Variants in PCNX2 observed in about 807,000 individuals in gnomAD.
PCNX2 encodes the protein pecanex 2, also known as pecanex-like protein 2.
PCNX2 carries 168 observed loss-of-function variants against 223.8 expected under a neutral mutation model. The observed-to-expected ratio is 0.75, with a 90% CI of 0.66 to 0.85. PCNX2 has a LOEUF of 0.85. Among genes scored for constraint, PCNX2 ranks in the 40% least tolerant of loss-of-function variants. PCNX2 has a pLI of 0.00. For synonymous variants in PCNX2, 1,006 were observed against 1,052.6 expected (o/e 0.96, Z 0.86); for missense variants, 2,507 against 2,675.5 (o/e 0.94, Z 1.39).
At chr1:233,234,634 T>C (rs1248746323) in intron 9 of PCNX2, among the ~76,000 whole-genome samples, 1 of 152,244 alleles carries the variant, frequency 6.6e-6, no homozygotes, top group Non-Finnish European at 1.5e-5. Context: ...ATTAAATCAA[T>C]GGATGTATAC....
intron 15 of PCNX2, among the ~76,000 whole-genome samples, chr1:233,186,475 G>A (rs1038979891): frequency 2.6e-5 from 4 of 152,092 alleles, no homozygotes; most frequent in African/African-American, 7.2e-5. Flanking sequence ...TGGCCGGCAC[G>A]TGTGGGTGTG....
At chr1:233,076,310 G>C (rs1305422531) in intron 23 of PCNX2, among the ~76,000 whole-genome samples, 1 of 152,138 alleles carries the variant, frequency 6.6e-6, no homozygotes, top group Non-Finnish European at 1.5e-5. Context: ...ACAGGATTTG[G>C]ATCAAGATGA....
At chr1:233,206,517 G>A (rs1440801463) in intron 13 of PCNX2, among the ~76,000 whole-genome samples, 2 of 151,992 alleles carry the variant, frequency 1.3e-5, no homozygotes, top group African/African-American at 4.8e-5. Context: ...GGCCTTTCTT[G>A]TTGTGTATGT....
chr1:233,095,560 C>A, intron 22 of PCNX2, 195 bp downstream of exon 22: 1 of 594,502 alleles, frequency 1.7e-6, no homozygotes. Flanking sequence ...CATTAAGAAG[C>A]AGGAAGAGTT....
At chr1:233,163,938 C>G (rs1372264396) in intron 17 of PCNX2, among the ~76,000 whole-genome samples, 4 of 152,082 alleles carry the variant, frequency 2.6e-5, no homozygotes, top group Admixed American at 6.5e-5. Context: ...ATCTGTTCAC[C>G]TGTGGGTAGA....
chr1:233,156,405 T>C (rs943908892), intron 19 of PCNX2, among the ~76,000 whole-genome samples: 2 of 152,146 alleles, frequency 1.3e-5, no homozygotes, highest in Non-Finnish European at 2.9e-5. Flanking sequence ...GAAGTGATGA[T>C]GGTTACATTA....
At chr1:232,999,012 G>A (rs1484417340) in intron 31 of PCNX2, 93 bp downstream of exon 31, 2 of 1,394,336 alleles carry the variant, frequency 1.4e-6, no homozygotes, top group Non-Finnish European at 1.9e-6. Context: ...AATGGTGGCT[G>A]ACAGTGAAAT....
At chr1:233,081,318 C>G (rs1386519267) in intron 23 of PCNX2, among the ~76,000 whole-genome samples, 1 of 152,114 alleles carries the variant, frequency 6.6e-6, no homozygotes, top group Non-Finnish European at 1.5e-5. Context: ...TGCACTCCAG[C>G]CTGGGCTGTA....
intron 21 of PCNX2, among the ~76,000 whole-genome samples, chr1:233,123,020 C>T (rs1675893650): frequency 6.6e-6 from 1 of 152,102 alleles, no homozygotes; most frequent in Admixed American, 6.5e-5. Context: ...ACTATCACAG[C>T]CAAGAGGAGC....
At chr1:233,012,921 T>G (rs894858392) in intron 28 of PCNX2, among the ~76,000 whole-genome samples, 10 of 152,324 alleles carry the variant, frequency 6.6e-5, no homozygotes, top group African/African-American at 1.9e-4. Flanking sequence ...AAGTGCAAGA[T>G]CCTATGAAGC....
intron 17 of PCNX2, among the ~76,000 whole-genome samples, chr1:233,177,251 T>C (rs1362827300): frequency 6.6e-6 from 1 of 152,212 alleles, no homozygotes; most frequent in Non-Finnish European, 1.5e-5. Context: ...CTTATACTGG[T>C]CCAAGCAAGC....
intron 28 of PCNX2, among the ~76,000 whole-genome samples, 174 bp downstream of exon 28, chr1:233,014,491 C>T (rs921459664): frequency 2.0e-5 from 3 of 151,986 alleles, no homozygotes; most frequent in African/African-American, 7.2e-5. Flanking sequence ...TCCAAAAGAG[C>T]AGTGATCAAA....
At chr1:233,094,971 A>C (rs1674071397) in intron 22 of PCNX2, among the ~76,000 whole-genome samples, 1 of 152,344 alleles carries the variant, frequency 6.6e-6, no homozygotes, top group Non-Finnish European at 1.5e-5. Flanking sequence ...CCTGGGAAAC[A>C]CACAGGTTTA....
intron 8 of PCNX2, among the ~76,000 whole-genome samples, chr1:233,250,409 C>T (rs1271789042): frequency 6.6e-6 from 1 of 152,182 alleles, no homozygotes; most frequent in Non-Finnish European, 1.5e-5. Flanking sequence ...TTCTAGTCCA[C>T]TCCTTGGGAC....
intron 25 of PCNX2, among the ~76,000 whole-genome samples, chr1:233,044,621 A>G (rs1306819611): frequency 1.3e-5 from 2 of 152,116 alleles, no homozygotes; most frequent in Non-Finnish European, 2.9e-5. Flanking sequence ...TCTGGAATAT[A>G]TGAGCCAAAA....
At chr1:233,304,420 T>A in the PCNX2 span, among the ~76,000 whole-genome samples, 3 of 152,060 alleles carry the variant, frequency 2.0e-5, no homozygotes. Context: ...ACTATGTTAA[T>A]GAGGAAATGC....
At chr1:233,286,666 A>G (rs1216039747) in intron 1 of PCNX2, among the ~76,000 whole-genome samples, 1 of 152,118 alleles carries the variant, frequency 6.6e-6, no homozygotes, top group African/African-American at 2.4e-5. Context: ...CAAGCGCCAG[A>G]GAGACAAGGC....
intron 10 of PCNX2, 92 bp downstream of exon 10, chr1:233,227,134 A>G: frequency 7.3e-7 from 1 of 1,364,302 alleles, no homozygotes; most frequent in African/African-American, 1.5e-5. Context: ...GAAAATGTGC[A>G]AGTGACAATG....
intron 19 of PCNX2, among the ~76,000 whole-genome samples, chr1:233,150,643 T>C (rs1252263538): frequency 6.6e-6 from 1 of 152,196 alleles, no homozygotes; most frequent in East Asian, 1.9e-4. Context: ...TCTTCTTCCT[T>C]CATTTTAAAA....
Sources: gnomAD v4.1 joint callset for allele counts (sites outside exome capture counted in the v4.1 genomes callset) on GRCh38, gnomAD v4.1.1 for gene constraint, MANE v1.5 for transcripts, NCBI Gene and HGNC (gene_info 2026-07-23, HGNC 2026-07-21) for gene names.